Variants in BRD4 observed in about 807,000 individuals in gnomAD.
BRD4 encodes bromodomain-containing protein 4.
BRD4 carries 16 observed loss-of-function variants against 142.1 expected under a neutral mutation model. The observed-to-expected ratio is 0.11, with a 90% CI of 0.08 to 0.17. BRD4 has a LOEUF of 0.17. Ranked by LOEUF, BRD4 falls within the 10% of genes least tolerant of loss-of-function variation. The pLI, the probability that BRD4 is intolerant of heterozygous loss-of-function variation, is 1.00. For missense variants in BRD4, 1,424 were observed against 1,810.9 expected, an observed-to-expected ratio of 0.79 and a Z score of 3.88; for synonymous variants, 833 against 707.5, an observed-to-expected ratio of 1.18 and a Z score of -2.82.
rs2047207835 is a variant in BRD4 at position 15,238,051 on chromosome 19, T to C, written c.*326A>G. 2.5e-6 allele frequency: 1 copy of C among 408,100 alleles called. No individual in the cohort carries two copies. 25.3% of individuals were successfully genotyped at this position (408,100 alleles called of 1,614,324 possible). A position where few individuals can be genotyped will look rare whatever the true frequency, so the allele number is the denominator to read the frequency against. ...GCAACGATGTCCTGTGTATACTGTG[T>C]AGACATTTGGCGGAGAGAAGGGCCT... is the stretch of plus-strand genomic sequence containing the variant. On this transcript the variant is annotated 3_prime_UTR_variant, in exon 20 of 20. Transcript: ENST00000679869. The surrounding 1 kb of genome is among the most constrained non-coding windows in gnomAD (Gnocchi z 7.2).
chr19:15,261,674 C>T (rs2047472932), intron 7 of BRD4, among the ~76,000 whole-genome samples: 1 of 152,070 alleles, frequency 6.6e-6, no homozygotes, highest in South Asian at 2.1e-4. Flanking sequence ...GGTGCCGTGG[C>T]TCATGCCTGT....
Position 15,263,371 on chromosome 19 carries a change from G to A in BRD4, c.1341+49C>T, listed in dbSNP as rs202192879. The A allele has an allele frequency of 5.7e-6, 9 of 1,584,950 alleles. No homozygotes were observed. The Admixed American group carries it at 7.0e-5, about 12-fold the overall frequency. Reference sequence around the variant, plus strand: ...GGCCCACAGAAGTCTGCTCCCACGAGGACCTCAGCCTGCTCTGCTGAGGGT... The same window carrying A: ...GGCCCACAGAAGTCTGCTCCCACGAAGACCTCAGCCTGCTCTGCTGAGGGT... On this transcript the variant is annotated intron_variant, in intron 7 of 19. Transcript: ENST00000679869.
chr19:15,260,229 G>A (rs2047454689), intron 7 of BRD4, among the ~76,000 whole-genome samples: 1 of 152,200 alleles, frequency 6.6e-6, no homozygotes, highest in Non-Finnish European at 1.5e-5. Context: ...TAGAGGCTCA[G>A]AGAGAAAAAT....
In BRD4 at chr19:15,237,040, A is replaced by C; in HGVS notation, c.*1337T>G. 16 of 194,082 alleles carry C rather than the reference A, an allele frequency of 8.2e-5. No homozygotes were observed. The highest frequency in any genetic ancestry group is 1.6e-3 in the Middle Eastern group (1 of 612). 12.0% of individuals were successfully genotyped at this position (194,082 alleles called of 1,614,324 possible). A position where few individuals can be genotyped will look rare whatever the true frequency, so the allele number is the denominator to read the frequency against. On this transcript the variant is annotated 3_prime_UTR_variant, in exon 20 of 20. Coordinates refer to ENST00000679869, the MANE Select transcript of BRD4 (RefSeq NM_001379291.1). ...ATTAAAAAAAAAAAAAAAAAAAAGC[A>C]TGGGCAGGAGCGGCCAGCTGGTTGG...
chr19:15,267,406 A>G lies in BRD4; in HGVS notation c.559+10T>C. 2 of 1,612,398 alleles carry G rather than the reference A, an allele frequency of 1.2e-6. No individual in the cohort carries two copies. The highest frequency in any genetic ancestry group is 1.7e-6 in the Non-Finnish European group (2 of 1,179,416). ...AGAAAGCCAATTTACTTGCTATTTC[A>G]GTACTCTACCTGTTTCTTTCCTCCC... is the stretch of plus-strand genomic sequence containing the variant. On this transcript the variant is annotated intron_variant, in intron 4 of 19. Transcript: ENST00000679869.
At chr19:15,268,816 C>CCCCT (rs2047558853) in intron 3 of BRD4, 89 bp downstream of exon 3, 1 of 1,489,290 alleles carries the variant, frequency 6.7e-7, no homozygotes. Context: ...ACACCCAACA[C>CCCCT]CCCTGCCCAC....
intron 1 of BRD4, among the ~76,000 whole-genome samples, chr19:15,294,362 G>A (rs2047807166): frequency 6.6e-6 from 1 of 152,244 alleles, no homozygotes; most frequent in Non-Finnish European, 1.5e-5. Flanking sequence ...GATGCTGTCT[G>A]CCAGCTAGGT....
At chr19:15,276,719 C>T (rs1599479373) in intron 1 of BRD4, among the ~76,000 whole-genome samples, 1 of 152,346 alleles carries the variant, frequency 6.6e-6, no homozygotes, top group Middle Eastern at 3.4e-3. Context: ...AAACAGTTCA[C>T]ACTCTCACAT....
At chr19:15,273,841 T>A (rs1816847902) in intron 1 of BRD4, among the ~76,000 whole-genome samples, 1 of 150,864 alleles carries the variant, frequency 6.6e-6, no homozygotes, top group African/African-American at 2.4e-5. Flanking sequence ...TTTTCATCTC[T>A]AGTAATAAAC....
At chr19:15,292,403 G>A (rs2047788518) in intron 1 of BRD4, among the ~76,000 whole-genome samples, 1 of 152,152 alleles carries the variant, frequency 6.6e-6, no homozygotes, top group Non-Finnish European at 1.5e-5. Context: ...GCACTAATTT[G>A]GACCACACAA....
rs1343416223 is a variant in BRD4, at chr19:15,311,077, G to T, written c.-35+21213C>A. Among the ~76,000 whole-genome samples, 4 of 151,880 alleles carry T rather than the reference G, an allele frequency of 2.6e-5. No individual in the cohort carries two copies. The South Asian group carries it at 6.2e-4, about 24-fold the overall frequency. On this transcript the variant is annotated intron_variant, in intron 1 of 19. Coordinates refer to ENST00000679869, the MANE Select transcript of BRD4 (RefSeq NM_001379291.1). ...AGGCCGAGGCAGGTGGATCCCTTGA[G>T]GCCAGGAGTTTGAGACCAGCATGGC...
At chr19:15,265,306 C>A in intron 5 of BRD4, 48 bp downstream of exon 5, 7 of 1,445,934 alleles carry the variant, frequency 4.8e-6, no homozygotes, top group Non-Finnish European at 5.5e-6. Context: ...AAGGACAGGG[C>A]CGCTCTCCTC....
chr19:15,315,336 T>C (rs536662788), intron 1 of BRD4, among the ~76,000 whole-genome samples: 65 of 151,942 alleles, frequency 4.3e-4, no homozygotes, highest in African/African-American at 1.5e-3. Flanking sequence ...CCGGAGACAT[T>C]AGGATCCCTG....
chr19:15,256,318 C>A, intron 8 of BRD4, 55 bp from the exon 9 acceptor site: 1 of 1,578,860 alleles, frequency 6.3e-7, no homozygotes, highest in Non-Finnish European at 8.6e-7. Context: ...CTTCCTGTCA[C>A]CCAAGACCCA....
At chr19:15,320,212 G>T (rs2048049803) in intron 1 of BRD4, among the ~76,000 whole-genome samples, 1 of 152,064 alleles carries the variant, frequency 6.6e-6, no homozygotes, top group African/African-American at 2.4e-5. Flanking sequence ...TCTCCTAAAG[G>T]AATAATATTT....
At chr19:15,328,287 AAAC>A in intron 1 of BRD4, among the ~76,000 whole-genome samples, 1 of 152,354 alleles carries the variant, frequency 6.6e-6, no homozygotes, top group East Asian at 1.9e-4. Flanking sequence ...GTTTAAAAAA[AAAC>A]TTAACAGGTT....
intron 1 of BRD4, among the ~76,000 whole-genome samples, chr19:15,306,986 A>C (rs1361630221): frequency 1.3e-5 from 2 of 152,230 alleles, no homozygotes; most frequent in Non-Finnish European, 2.9e-5. Context: ...TCAATTTGTA[A>C]ATAAAAAAAC....
chr19:15,239,503 C>G lies in BRD4; in HGVS notation c.3465G>C (p.Val1155=). 6.2e-7 allele frequency: 1 copy of G among 1,613,446 alleles called. No individual in the cohort carries two copies. The highest frequency in any genetic ancestry group is 1.1e-5 in the South Asian group (1 of 91,062). The part of the protein sequence containing the change: ...HLPQRPEMKP[V]DVGRPVIRPP... ...GCCGGATCACAGGCCTCCCGACATC[C>G]ACAGGCTTCATTTCCGGCCCTGGAA... Residue 1155 remains valine (V), a synonymous_variant, in exon 17 of 20, where the codon GTG becomes GTC. Transcript: ENST00000679869. The surrounding 1 kb of genome is among the most constrained non-coding windows in gnomAD (Gnocchi z 7.4).
intron 1 of BRD4, among the ~76,000 whole-genome samples, chr19:15,313,325 A>G (rs1242291556): frequency 6.8e-6 from 1 of 146,964 alleles, no homozygotes; most frequent in African/African-American, 2.5e-5. Flanking sequence ...GTAAGCCAAT[A>G]TCGTGCCACT....
Sources: gnomAD v4.1 joint callset for allele counts (sites outside exome capture counted in the v4.1 genomes callset) on GRCh38, gnomAD v4.1.1 for gene constraint, Gnocchi (gnomAD v3.1) non-coding constraint, MANE v1.5 for transcripts, NCBI Gene and HGNC (gene_info 2026-07-23, HGNC 2026-07-21) for gene names.